Variants in MCM9 observed in about 807,000 individuals in gnomAD.
MCM9 encodes DNA helicase MCM9.
In MCM9, 55 loss-of-function variants were observed where a neutral mutation model predicts 72.8. That is an observed-to-expected ratio of 0.76 (90% confidence interval 0.61 to 0.95). MCM9 has a LOEUF of 0.95. Among genes scored for constraint, MCM9 ranks in the 40% least tolerant of loss-of-function variants. The pLI is 0.00. For missense variants in MCM9, 1,279 were observed against 1,377.0 expected (o/e 0.93, Z 1.13); for synonymous variants, 480 against 503.4 (o/e 0.95, Z 0.62).
chr6:118,877,589 C>T (rs1315153705), intron 8 of MCM9, among the ~76,000 whole-genome samples: 1 of 152,186 alleles, frequency 6.6e-6, no homozygotes, highest in Non-Finnish European at 1.5e-5. Context: ...TCATGTGCTA[C>T]TAATGGGAAT....
intron 9 of MCM9, among the ~76,000 whole-genome samples, chr6:118,844,901 G>C (rs1775752330): frequency 6.6e-6 from 1 of 151,772 alleles, no homozygotes; most frequent in Admixed American, 6.6e-5. Flanking sequence ...CTTCATTACA[G>C]TTCTGGACAG....
At position 118,923,919 on chromosome 6, in the gene MCM9, C is replaced by G; in HGVS notation, c.513G>C (p.Ser171=). The part of the protein sequence containing the change: ...EQYYTFCRPS[S]CPSLESCDSS... ...AATCACAGCTCTCCAAGCTGGGACA[C>G]GAGGATGGCCGGCAAAAGGTGTAAT... Residue 171 remains serine (S), a synonymous_variant, in exon 4 of 14, where the codon TCG becomes TCC. Coordinates refer to ENST00000619706, the MANE Select transcript of MCM9 (RefSeq NM_017696.3). 1.2e-6 allele frequency: 2 copies of G among 1,614,188 alleles called. No homozygotes were observed. Among genetic ancestry groups the G allele is most frequent in the Non-Finnish European group, 8.5e-7 (1 of 1,180,030 alleles).
rs749967028 is a variant in MCM9, at chr6:118,892,410, T to C, written c.1150+19240A>G. ...GTGAGTTTTACAACTAGTCTCATTG[T>C]AACACTTACGGTCAGACTGCAAAAT... On this transcript the variant is annotated intron_variant, in intron 8 of 13. Coordinates refer to ENST00000619706, the MANE Select transcript of MCM9 (RefSeq NM_017696.3). Among the ~76,000 whole-genome samples, 24 of 152,216 alleles carry C rather than the reference T, an allele frequency of 1.6e-4. 1 individual carries two copies. Among genetic ancestry groups the C allele is most frequent in the Non-Finnish European group, 3.2e-4 (22 of 68,036 alleles).
chr6:118,836,186 C>A (rs974210708), intron 9 of MCM9, among the ~76,000 whole-genome samples: 2 of 152,146 alleles, frequency 1.3e-5, no homozygotes, highest in African/African-American at 4.8e-5. Flanking sequence ...CCTTGCATCC[C>A]AGGGATGAAG....
intron 8 of MCM9, chr6:118,905,653 C>G (rs1465131369): frequency 6.2e-7 from 1 of 1,604,982 alleles, no homozygotes; most frequent in Non-Finnish European, 8.5e-7. Context: ...TTATTCTAGG[C>G]TGATGCACCT....
At chr6:118,886,543 T>C (rs1778616908) in intron 8 of MCM9, among the ~76,000 whole-genome samples, 2 of 152,048 alleles carry the variant, frequency 1.3e-5, no homozygotes, top group Admixed American at 1.3e-4. Flanking sequence ...ATCAATTCTA[T>C]GTCTACACAC....
intron 8 of MCM9, among the ~76,000 whole-genome samples, chr6:118,890,462 C>A (rs1276619224): frequency 6.6e-6 from 1 of 152,190 alleles, no homozygotes; most frequent in East Asian, 1.9e-4. Context: ...AACATTTTTT[C>A]TTTTGCCTAT....
chr6:118,857,626 CAAAAAAAA>C (rs1203197065), intron 8 of MCM9, among the ~76,000 whole-genome samples: 57 of 70,956 alleles, frequency 8.0e-4, no homozygotes, highest in African/African-American at 2.2e-3. Context: ...CCAGACTGAC[CAAAAAAAA>C]AAAAAAAAAA....
At chr6:118,925,597 T>C (rs1033596626) in intron 3 of MCM9, among the ~76,000 whole-genome samples, 12 of 152,186 alleles carry the variant, frequency 7.9e-5, no homozygotes, top group Admixed American at 1.3e-4. Context: ...CACTGTAGAG[T>C]GTATAGACAA....
intron 12 of MCM9, 36 bp from the exon 13 acceptor site, chr6:118,826,328 G>C: frequency 1.3e-6 from 2 of 1,538,530 alleles, no homozygotes; most frequent in Non-Finnish European, 1.8e-6. Context: ...GAGTCACCAG[G>C]CCAGCCTGCA....
intron 13 of MCM9, among the ~76,000 whole-genome samples, chr6:118,822,205 G>A (rs969654421): frequency 2.0e-5 from 3 of 152,154 alleles, no homozygotes; most frequent in African/African-American, 7.2e-5. Flanking sequence ...AGGCATTCTG[G>A]TTTTTGGAAT....
chr6:118,871,121 C>T (rs1440418832), intron 8 of MCM9, among the ~76,000 whole-genome samples: 2 of 151,994 alleles, frequency 1.3e-5, no homozygotes, highest in African/African-American at 4.8e-5. Flanking sequence ...ACACTAATAC[C>T]AAAGCCAGAA....
At chr6:118,824,203 A>G (rs1169175572) in intron 13 of MCM9, among the ~76,000 whole-genome samples, 2 of 152,128 alleles carry the variant, frequency 1.3e-5, no homozygotes, top group Non-Finnish European at 2.9e-5. Flanking sequence ...AAAAGCAAAT[A>G]GCTTTCAAAA....
At chr6:118,856,316 C>T (rs1411435984) in intron 9 of MCM9, 55 bp downstream of exon 9, 41 of 1,473,102 alleles carry the variant, frequency 2.8e-5, no homozygotes, top group Non-Finnish European at 3.5e-5. Context: ...ACATTTTCCC[C>T]TAAGCATATA....
intron 9 of MCM9, among the ~76,000 whole-genome samples, chr6:118,832,795 C>T (rs936246223): frequency 1.3e-5 from 2 of 152,154 alleles, no homozygotes; most frequent in African/African-American, 2.4e-5. Flanking sequence ...ACGGGATGAT[C>T]CTCATCTTTA....
At chr6:118,869,922 T>C (rs568922903) in intron 8 of MCM9, among the ~76,000 whole-genome samples, 4 of 152,186 alleles carry the variant, frequency 2.6e-5, no homozygotes, top group Non-Finnish European at 1.5e-5. Flanking sequence ...CATTATATAG[T>C]AAGAACGGTA....
At chr6:118,916,991 C>T (rs1248872590) in intron 6 of MCM9, among the ~76,000 whole-genome samples, 1 of 152,160 alleles carries the variant, frequency 6.6e-6, no homozygotes, top group Non-Finnish European at 1.5e-5. Context: ...TGGTGCTTTA[C>T]ACACTTGAGA....
At chr6:118,837,217 T>A (rs1440709005) in intron 9 of MCM9, among the ~76,000 whole-genome samples, 1 of 152,226 alleles carries the variant, frequency 6.6e-6, no homozygotes, top group Non-Finnish European at 1.5e-5. Context: ...GATTGCACTG[T>A]GGTCTGAGAG....
At chr6:118,857,297 G>A (rs1343468991) in intron 8 of MCM9, among the ~76,000 whole-genome samples, 1 of 152,018 alleles carries the variant, frequency 6.6e-6, no homozygotes, top group Non-Finnish European at 1.5e-5. Context: ...ATGAGGGAAG[G>A]GATTCTCTTC....
Sources: allele counts gnomAD v4.1 joint callset (sites outside exome capture counted in the v4.1 genomes callset), GRCh38; gene constraint gnomAD v4.1.1; transcripts MANE v1.5; gene names NCBI Gene and HGNC (gene_info 2026-07-23, HGNC 2026-07-21).